The following HIGD1C variants were observed in gnomAD, a reference collection of about 807,000 sequenced individuals.
HIGD1C encodes HIG1 domain family member 1C.
In HIGD1C, 11 loss-of-function variants were observed where a neutral mutation model predicts 13.1. The ratio of observed to expected loss-of-function variants is 0.84; its 90% CI spans 0.53 to 1.39. HIGD1C has a LOEUF of 1.39. Ranked by LOEUF, HIGD1C falls within the 40% of genes most tolerant of loss-of-function variation. The pLI, the probability that HIGD1C is intolerant of heterozygous loss-of-function variation, is 0.00. For synonymous variants in HIGD1C, 36 were observed against 37.7 expected (o/e 0.95, Z 0.17); for missense variants, 110 against 112.0 (o/e 0.98, Z 0.08).
chr12:50,958,386 AT>A (rs564222267), intron 1 of HIGD1C, among the ~76,000 whole-genome samples: 2 of 147,882 alleles, frequency 1.4e-5, no homozygotes, highest in East Asian at 4.1e-4. Flanking sequence ...GGTTCACACC[AT>A]TCTCCTGTCT....
chr12:50,945,635 C>T, the HIGD1C span, among the ~76,000 whole-genome samples: 15 of 152,170 alleles, frequency 9.9e-5, 1 homozygote, highest in South Asian at 6.2e-4. Context: ...GAATCAATAT[C>T]GTGAAAATGG....
the HIGD1C span, among the ~76,000 whole-genome samples, chr12:50,937,559 G>A: frequency 6.6e-6 from 1 of 152,152 alleles, no homozygotes; most frequent in Admixed American, 6.5e-5. Flanking sequence ...GAAGGGTGGT[G>A]TGTGCTTCAG....
Position 50,970,497 on chromosome 12 carries a change from C to CA in HIGD1C, c.291dup (p.Ter98MetfsTer?). ...TTAGACCACGATTCTTCAGTGAGTC[C>CA]AAAAAATGAAGCTTACATGCTGGAA... On this transcript the variant is annotated frameshift_variant, in exon 3 of 3. Coordinates refer to ENST00000398455, the Ensembl canonical transcript of HIGD1C. LOFTEE classifies it high-confidence loss of function. 5 of 1,525,756 alleles carry CA rather than the reference C, an allele frequency of 3.3e-6. No homozygotes were observed. The highest frequency in any genetic ancestry group is 4.4e-6 in the Non-Finnish European group (5 of 1,124,914). The allele number at this position is 1,525,756 out of a possible 1,614,324, so 94.5% of individuals were successfully genotyped here.
intron 2 of HIGD1C, among the ~76,000 whole-genome samples, chr12:50,962,714 T>A (rs548343009): frequency 1.7e-4 from 25 of 151,492 alleles, no homozygotes; most frequent in Middle Eastern, 3.4e-3. Flanking sequence ...GAAAAAAAAA[T>A]TTTTTTGCTA....
chr12:50,952,058 AATTT>A (rs1313881644), upstream of HIGD1C, among the ~76,000 whole-genome samples: 21 of 116,588 alleles, frequency 1.8e-4, no homozygotes, highest in East Asian at 9.6e-3. Flanking sequence ...CTAGACCAGA[AATTT>A]TTTTTTTTTT....
chr12:50,966,034 CAGTT>C lies in HIGD1C; in HGVS notation c.230-4405_230-4402del, dbSNP rs60487398. The stretch of plus-strand genomic sequence containing the variant: ...GTTTCAGTTCTAGGGATACCATAAT[CAGTT>C]AGCCAATGCCAAAGATCTCTGTGGC... On this transcript the variant is annotated intron_variant, in intron 2 of 2. Coordinates refer to ENST00000398455, the Ensembl canonical transcript of HIGD1C. 7.0e-3 allele frequency among the ~76,000 whole-genome samples: 1,061 copies of C among 152,310 alleles called. 18 individuals are homozygous for C. Among genetic ancestry groups the C allele is most frequent in the African/African-American group, 0.024 (986 of 41,546 alleles).
the HIGD1C span, among the ~76,000 whole-genome samples, chr12:50,940,641 T>C: frequency 2.0e-5 from 3 of 150,480 alleles, no homozygotes; most frequent in Non-Finnish European, 4.4e-5. Flanking sequence ...GAGGCTTGCT[T>C]GAACTTGGTA....
intron 2 of HIGD1C, 74 bp downstream of exon 4, chr12:50,961,176 A>G: frequency 7.0e-7 from 1 of 1,424,712 alleles, no homozygotes; most frequent in South Asian, 1.3e-5. Flanking sequence ...CATTCATAGT[A>G]GAAGATGAAT....
At chr12:50,935,650 G>T in the HIGD1C span, among the ~76,000 whole-genome samples, 1 of 151,896 alleles carries the variant, frequency 6.6e-6, no homozygotes, top group African/African-American at 2.4e-5. Flanking sequence ...CAGCACACCT[G>T]GTTAATTTTT....
intron 2 of HIGD1C, among the ~76,000 whole-genome samples, chr12:50,965,032 T>C (rs1221663657): frequency 6.6e-6 from 1 of 152,124 alleles, no homozygotes; most frequent in African/African-American, 2.4e-5. Context: ...CACTCTGGCA[T>C]CTTTGAAGTC....
In HIGD1C at chr12:50,961,022, G is replaced by A; in HGVS notation, c.149G>A (p.Arg50Lys). 1.2e-6 allele frequency: 2 copies of A among 1,612,366 alleles called. No homozygotes were observed. The highest frequency in any genetic ancestry group is 1.1e-5 in the South Asian group (1 of 90,728). The change falls in exon 2 of 3, where the codon AGA becomes AAA. Residue 50 changes from arginine (R) to lysine (K), a missense_variant. Transcript: ENST00000398455. ...TGTGGTCTTTACAAGCTAAAGTACA[G>A]AAGAGATCAGAAAATGTCAATTCAT...
intron 2 of HIGD1C, among the ~76,000 whole-genome samples, chr12:50,968,099 A>AAGAAGGAGGAGG: frequency 6.8e-6 from 1 of 146,468 alleles, no homozygotes; most frequent in South Asian, 2.3e-4. Flanking sequence ...TAATAAGAAG[A>AAGAAGGAGGAGG]AGAAGGAGGA....
intron 1 of HIGD1C, among the ~76,000 whole-genome samples, chr12:50,955,299 T>C (rs1396010933): frequency 2.0e-5 from 3 of 152,316 alleles, no homozygotes; most frequent in African/African-American, 4.8e-5. Context: ...CACCTAATAA[T>C]CTGGACCCTT....
At chr12:50,971,579 T>A (rs1356187491), downstream of HIGD1C, among the ~76,000 whole-genome samples, 3 of 152,232 alleles carry the variant, frequency 2.0e-5, no homozygotes, top group African/African-American at 7.2e-5. Flanking sequence ...AGGTTAAGTT[T>A]ACCTGTGGCC....
At chr12:50,938,716 C>T in the HIGD1C span, among the ~76,000 whole-genome samples, 1 of 152,214 alleles carries the variant, frequency 6.6e-6, no homozygotes, top group Non-Finnish European at 1.5e-5. Flanking sequence ...TCACCATCAC[C>T]TTAGTTTGAG....
the HIGD1C span, among the ~76,000 whole-genome samples, chr12:50,945,940 A>G: frequency 1.3e-5 from 2 of 152,174 alleles, no homozygotes; most frequent in Middle Eastern, 3.4e-3. Context: ...ATCTACAACC[A>G]TCTGATCTTT....
upstream of HIGD1C, among the ~76,000 whole-genome samples, chr12:50,950,712 T>A (rs1262982601): frequency 7.1e-6 from 1 of 140,336 alleles, no homozygotes; most frequent in Non-Finnish European, 1.5e-5. Flanking sequence ...AGTCTCATTC[T>A]GTCACCCAGG....
chr12:50,937,860 A>C, the HIGD1C span, among the ~76,000 whole-genome samples: 1 of 152,040 alleles, frequency 6.6e-6, no homozygotes, highest in Non-Finnish European at 1.5e-5. Context: ...AGTCTGGCTG[A>C]GTCTGGGGAC....
At chr12:50,963,126 T>A (rs1939401983) in intron 2 of HIGD1C, among the ~76,000 whole-genome samples, 1 of 151,434 alleles carries the variant, frequency 6.6e-6, no homozygotes, top group Admixed American at 6.6e-5. Flanking sequence ...TCCCAGCACT[T>A]TGGGAGGCCG....
Sources: gnomAD v4.1 joint callset for allele counts (sites outside exome capture counted in the v4.1 genomes callset) on GRCh38, gnomAD v4.1.1 for gene constraint, MANE v1.5 for transcripts, NCBI Gene and HGNC (gene_info 2026-07-23, HGNC 2026-07-21) for gene names.